The following ATF3 variants were observed in gnomAD, a reference collection of about 807,000 sequenced individuals.
ATF3 encodes the protein cyclic AMP-dependent transcription factor ATF-3.
ATF3 carries 10 observed loss-of-function variants against 18.4 expected under a neutral mutation model. The observed-to-expected ratio is 0.54, with a 90% CI of 0.34 to 0.92. The LOEUF is 0.92. Among genes scored for constraint, ATF3 ranks in the 40% least tolerant of loss-of-function variants. ATF3 has a pLI of 0.02. For synonymous variants in ATF3, 78 were observed against 87.9 expected (o/e 0.89, Z 0.63); for missense variants, 183 against 222.3 (o/e 0.82, Z 1.12).
intron 1 of ATF3, among the ~76,000 whole-genome samples, chr1:212,588,665 C>G (rs1664824831): frequency 6.6e-6 from 1 of 152,216 alleles, no homozygotes; most frequent in Non-Finnish European, 1.5e-5. Flanking sequence ...TCTCCCAGCT[C>G]ATGCAACCCC....
intron 2 of ATF3, among the ~76,000 whole-genome samples, chr1:212,617,189 G>GCA (rs1655164901): frequency 6.6e-6 from 1 of 152,202 alleles, no homozygotes; most frequent in Non-Finnish European, 1.5e-5. Context: ...CAAGGACCAG[G>GCA]CAGCCTGCCC....
intron 1 of ATF3, among the ~76,000 whole-genome samples, chr1:212,580,230 A>G (rs72756342): frequency 0.055 from 8,417 of 152,284 alleles, 432 homozygotes; most frequent in African/African-American, 0.14. Context: ...ACTGATGGAT[A>G]CAATTACTTA....
intron 1 of ATF3, among the ~76,000 whole-genome samples, chr1:212,594,627 G>A (rs1664954746): frequency 6.6e-6 from 1 of 152,192 alleles, no homozygotes; most frequent in Non-Finnish European, 1.5e-5. Context: ...GGTGGCAGGG[G>A]TACAAGAGAG....
intron 1 of ATF3, among the ~76,000 whole-genome samples, chr1:212,600,752 C>T (rs1654457715): frequency 6.6e-6 from 1 of 152,222 alleles, no homozygotes; most frequent in East Asian, 1.9e-4. Flanking sequence ...GTTATCAAGT[C>T]TGTCTCCCCA....
At chr1:212,617,894 C>T (rs1002514785) in intron 2 of ATF3, among the ~76,000 whole-genome samples, 2 of 151,924 alleles carry the variant, frequency 1.3e-5, no homozygotes, top group African/African-American at 2.4e-5. Context: ...TAATATATTG[C>T]CGGTATAATT....
At chr1:212,595,691 A>G (rs535547040) in intron 1 of ATF3, among the ~76,000 whole-genome samples, 2 of 152,364 alleles carry the variant, frequency 1.3e-5, no homozygotes, top group East Asian at 1.9e-4. Flanking sequence ...GGCTAGCCTC[A>G]TAAGCCGGAT....
intron 1 of ATF3, among the ~76,000 whole-genome samples, chr1:212,583,517 T>C (rs928679235): frequency 6.6e-6 from 1 of 152,188 alleles, no homozygotes; most frequent in African/African-American, 2.4e-5. Flanking sequence ...AACTAGTAAT[T>C]GCAGAAAGCT....
Position 212,618,196 on chromosome 1 carries a change from C to T in ATF3, c.310C>T (p.Arg104Ter), listed in dbSNP as rs1194131118. Reference protein sequence around the residue: ...ERNKIAAAKCRNKKKEKTECL... With the variant: ...ERNKIAAAKC ...AAATAAGATTGCAGCTGCAAAGTGC[C>T]GAAACAAGAAGAAGGAGAAGACGGA... Residue 104 changes from arginine to a stop codon, truncating the protein, a stop_gained, in exon 3 of 4, where the codon CGA (arginine) becomes TGA (stop). Transcript: ENST00000341491. LOFTEE classifies it high-confidence loss of function. This position sits in a 1 kb window ranked among gnomAD's most constrained non-coding sequence, Gnocchi z 4.4. The T allele has an allele frequency of 3.1e-6, 5 of 1,613,886 alleles. No homozygotes were observed. Among genetic ancestry groups the T allele is most frequent in the Admixed American group, 1.7e-5 (1 of 59,982 alleles).
At chr1:212,608,324 A>T (rs1571781902), upstream of ATF3, among the ~76,000 whole-genome samples, 1 of 147,482 alleles carries the variant, frequency 6.8e-6, no homozygotes, top group Non-Finnish European at 1.5e-5. Flanking sequence ...CCGCCTCCCC[A>T]CCTTCCCCGC....
chr1:212,618,103 A>G lies in ATF3; in HGVS notation c.241-24A>G. ...GGTGGCATTTCTTACTGCCCTTTAA[A>G]TGTGTTTCTTTTGGATTTTACAGGT... On this transcript the variant is annotated intron_variant, in intron 2 of 3. Coordinates refer to ENST00000341491, the MANE Select transcript of ATF3 (RefSeq NM_001674.4). This position sits in a 1 kb window ranked among gnomAD's most constrained non-coding sequence, Gnocchi z 4.4. The G allele has an allele frequency of 1.2e-6, 2 of 1,612,590 alleles. No homozygotes were observed. Among genetic ancestry groups the G allele is most frequent in the Non-Finnish European group, 1.7e-6 (2 of 1,178,700 alleles).
chr1:212,620,186 T>C lies in ATF3; in HGVS notation c.*631T>C, dbSNP rs562850470. ...GGCGGGGCTGTCACCACGTGCAGTA[T>C]CTCAAGATATTCAGGTGGCCAGAAG... On this transcript the variant is annotated 3_prime_UTR_variant, in exon 4 of 4. Transcript: ENST00000341491. 6.5e-6 allele frequency: 1 copy of C among 154,320 alleles called. No individual in the cohort carries two copies. Among genetic ancestry groups the C allele is most frequent in the East Asian group, 1.9e-4 (1 of 5,224 alleles). 9.6% of individuals were successfully genotyped at this position (154,320 alleles called of 1,614,324 possible).
In ATF3 at chr1:212,587,271, A is replaced by C. The variant is rs1008534544; in HGVS notation, c.-5+21788A>C. ...TTCAATAAATGCTTGGGATGAATAC[A>C]TTAATAAATGAAGAATATTTGTACC... On this transcript the variant is annotated intron_variant, in intron 1 of 3. Transcript: ENST00000366981. 3.3e-5 allele frequency among the ~76,000 whole-genome samples: 5 copies of C among 152,280 alleles called. No homozygotes were observed. In the South Asian group the frequency reaches 1.0e-3, roughly 32 times the overall value.
intron 1 of ATF3, among the ~76,000 whole-genome samples, chr1:212,612,432 CCAAA>C (rs1268417374): frequency 1.3e-5 from 2 of 152,170 alleles, no homozygotes; most frequent in Admixed American, 1.3e-4. Flanking sequence ...ATCCAGGCCT[CCAAA>C]CAAAGACCAG....
chr1:212,572,956 G>C (rs1438318852), intron 1 of ATF3, among the ~76,000 whole-genome samples: 1 of 152,142 alleles, frequency 6.6e-6, no homozygotes, highest in Non-Finnish European at 1.5e-5. Context: ...CTTGGCTTTT[G>C]TGTCTTTTTT....
chr1:212,595,443 C>A (rs1436037631), intron 1 of ATF3, among the ~76,000 whole-genome samples: 1 of 152,240 alleles, frequency 6.6e-6, no homozygotes, highest in Non-Finnish European at 1.5e-5. Context: ...CCCGGTGCTC[C>A]CGCAGCTCAG....
In ATF3 at chr1:212,619,687, G is replaced by C; in HGVS notation, c.*132G>C. On this transcript the variant is annotated 3_prime_UTR_variant, in exon 4 of 4. Coordinates refer to ENST00000341491, the MANE Select transcript of ATF3 (RefSeq NM_001674.4). The surrounding 1 kb of genome is among the most constrained non-coding windows in gnomAD (Gnocchi z 4.4). Reference sequence around the variant, plus strand: ...CAGCAGCAGAGAACCATCAAGGCGGGAGGGCCTGCAGTGATTCAGCAGGCC... The same window carrying C: ...CAGCAGCAGAGAACCATCAAGGCGGCAGGGCCTGCAGTGATTCAGCAGGCC... The C allele has an allele frequency of 7.6e-7, 1 of 1,314,766 alleles. No homozygotes were observed. The highest frequency in any genetic ancestry group is 2.0e-5 in the Admixed American group (1 of 49,306). 81.4% of individuals were successfully genotyped at this position (1,314,766 alleles called of 1,614,324 possible).
intron 1 of ATF3, among the ~76,000 whole-genome samples, chr1:212,577,747 G>A (rs1664607828): frequency 2.0e-5 from 3 of 152,168 alleles, no homozygotes; most frequent in Non-Finnish European, 4.4e-5. Context: ...TGTGGCAAAT[G>A]ACAGGATTTG....
At chr1:212,579,057 GC>G (rs2102625576) in intron 1 of ATF3, among the ~76,000 whole-genome samples, 1 of 145,464 alleles carries the variant, frequency 6.9e-6, no homozygotes, top group South Asian at 2.2e-4. Context: ...TGTTGCCCAG[GC>G]TGGAGTGCAG....
intron 1 of ATF3, among the ~76,000 whole-genome samples, chr1:212,592,560 T>G (rs1424082346): frequency 6.6e-6 from 1 of 150,444 alleles, no homozygotes; most frequent in African/African-American, 2.4e-5. Flanking sequence ...GCTATTTATT[T>G]GTTGAAGAAA....
Sources: allele counts gnomAD v4.1 joint callset (sites outside exome capture counted in the v4.1 genomes callset), GRCh38; gene constraint gnomAD v4.1.1; non-coding constraint Gnocchi (gnomAD v3.1); transcripts MANE v1.5; gene names NCBI Gene and HGNC (gene_info 2026-07-23, HGNC 2026-07-21).